The following TSC22D1 variants were observed in gnomAD, a reference collection of about 807,000 sequenced individuals.
The protein encoded by TSC22D1 is TSC22 domain family member 1, also known as TSC22 domain family protein 1.
TSC22D1 carries 9 observed loss-of-function variants against 74.2 expected under a neutral mutation model. That is an observed-to-expected ratio of 0.12 (90% CI 0.07 to 0.21). TSC22D1 has a LOEUF of 0.21. Among genes scored for constraint, TSC22D1 ranks in the 10% least tolerant of loss-of-function variants. The pLI is 1.00. For synonymous variants in TSC22D1, 586 were observed against 492.5 expected (o/e 1.19, Z -2.51); for missense variants, 1,427 against 1,304.7 (o/e 1.09, Z -1.44).
chr13:44,564,812 C>T (rs1008825903), intron 1 of TSC22D1, among the ~76,000 whole-genome samples: 2 of 151,738 alleles, frequency 1.3e-5, no homozygotes, highest in Non-Finnish European at 1.5e-5. Flanking sequence ...ACATGCAGTG[C>T]ATTAAATGAG....
At chr13:44,556,567 C>CT (rs1882654537) in intron 1 of TSC22D1, among the ~76,000 whole-genome samples, 1 of 151,334 alleles carries the variant, frequency 6.6e-6, no homozygotes, top group Non-Finnish European at 1.5e-5. Context: ...AATCTGAATA[C>CT]TTTAAAAAAT....
intron 1 of TSC22D1, among the ~76,000 whole-genome samples, chr13:44,534,158 C>T (rs574211416): frequency 2.0e-5 from 3 of 149,340 alleles, no homozygotes; most frequent in Non-Finnish European, 4.4e-5. Context: ...CTGGGGAGTT[C>T]GAGGCTGCAG....
chr13:44,436,003 G>A lies in TSC22D1; in HGVS notation c.2964+41C>T, dbSNP rs188305282. On this transcript the variant is annotated intron_variant, in intron 2 of 2. Transcript: ENST00000458659. ...CCACAAAACATCTTATTTTTGTGCT[G>A]TGCCCACATTTAGTATAAATGATTT... The A allele has an allele frequency of 1.5e-5, 24 of 1,581,350 alleles. No individual in the cohort carries two copies. In the East Asian group the frequency reaches 5.4e-4, roughly 35 times the overall value.
At chr13:44,462,763 G>T (rs939979831) in intron 1 of TSC22D1, among the ~76,000 whole-genome samples, 1 of 152,018 alleles carries the variant, frequency 6.6e-6, no homozygotes, top group Admixed American at 6.6e-5. Context: ...TAAAAATTCA[G>T]AAAGACCCTC....
intron 1 of TSC22D1, among the ~76,000 whole-genome samples, chr13:44,541,804 G>C (rs1881486429): frequency 6.6e-6 from 1 of 152,068 alleles, no homozygotes; most frequent in Non-Finnish European, 1.5e-5. Flanking sequence ...TTCCACAGCT[G>C]GAGTTGTTAA....
chr13:44,503,940 T>C (rs1162408016), intron 1 of TSC22D1, among the ~76,000 whole-genome samples: 1 of 151,972 alleles, frequency 6.6e-6, no homozygotes, highest in East Asian at 1.9e-4. Context: ...TAAATAAACC[T>C]TAGAGAATAT....
chr13:44,521,683 A>G (rs966841103), intron 1 of TSC22D1, among the ~76,000 whole-genome samples: 8 of 104,624 alleles, frequency 7.6e-5, no homozygotes, highest in African/African-American at 2.1e-4. Flanking sequence ...CAAAGAATGG[A>G]AAAAAAAAAA....
chr13:44,539,733 A>G (rs958954052), intron 1 of TSC22D1: 4 of 1,239,888 alleles, frequency 3.2e-6, no homozygotes, highest in Non-Finnish European at 4.1e-6. Flanking sequence ...TCCAATCTAT[A>G]AATTAACCCA....
rs1451844925 is a variant in TSC22D1, at chr13:44,436,867, CCA to C, written c.2913-774_2913-773del. On this transcript the variant is annotated intron_variant, in intron 1 of 2. Coordinates refer to ENST00000458659, the MANE Select transcript of TSC22D1 (RefSeq NM_183422.4). Reference sequence around the variant, plus strand: ...TCCACTCAGCTCTAGACCAGGACTCCCAGTCTTAGTGCAAAATATATGCAGGA... The same window carrying C: ...TCCACTCAGCTCTAGACCAGGACTCCGTCTTAGTGCAAAATATATGCAGGA... 137 of 1,230,252 alleles carry C rather than the reference CCA, an allele frequency of 1.1e-4. 1 individual carries two copies. The highest frequency in any genetic ancestry group is 1.3e-4 in the Non-Finnish European group (133 of 985,964). The allele number at this position is 1,230,252 out of a possible 1,614,324, so 76.2% of individuals were successfully genotyped here. A position where few individuals can be genotyped will look rare whatever the true frequency, so the allele number is the denominator to read the frequency against.
chr13:44,546,628 C>A (rs990690182), intron 1 of TSC22D1, among the ~76,000 whole-genome samples: 2 of 151,974 alleles, frequency 1.3e-5, no homozygotes, highest in African/African-American at 4.8e-5. Flanking sequence ...TAGACAAGGT[C>A]AAAATTCAAA....
At chr13:44,458,311 T>G (rs894630175) in intron 1 of TSC22D1, among the ~76,000 whole-genome samples, 10 of 152,242 alleles carry the variant, frequency 6.6e-5, no homozygotes, top group Non-Finnish European at 1.5e-5. Flanking sequence ...CTGACTTTAG[T>G]GCAGCTTTTT....
At chr13:44,536,960 CAAAA>C in intron 1 of TSC22D1, 2 of 569,932 alleles carry the variant, frequency 3.5e-6, no homozygotes, top group Non-Finnish European at 4.0e-6. Context: ...AAAAAAAAAA[CAAAA>C]AAAACTAACA....
At chr13:44,518,689 G>A (rs1880166912) in intron 1 of TSC22D1, among the ~76,000 whole-genome samples, 1 of 152,090 alleles carries the variant, frequency 6.6e-6, no homozygotes, top group Non-Finnish European at 1.5e-5. Flanking sequence ...CCAAATTACT[G>A]GTTTTTTATC....
chr13:44,436,691 C>G, intron 1 of TSC22D1: 1 of 1,544,032 alleles, frequency 6.5e-7, no homozygotes, highest in South Asian at 1.3e-5. Context: ...CTTGTATAAG[C>G]TAGATAAAAT....
At chr13:44,505,737 A>G (rs1159296501) in intron 1 of TSC22D1, among the ~76,000 whole-genome samples, 1 of 152,186 alleles carries the variant, frequency 6.6e-6, no homozygotes, top group Non-Finnish European at 1.5e-5. Context: ...ATAAATTTCC[A>G]TTTCATTAAG....
intron 1 of TSC22D1, among the ~76,000 whole-genome samples, chr13:44,506,744 A>C (rs1001664387): frequency 1.3e-5 from 2 of 152,214 alleles, no homozygotes; most frequent in Non-Finnish European, 2.9e-5. Flanking sequence ...AGTATGGAAA[A>C]GATGGAAGTG....
chr13:44,566,537 GAACT>G (rs1189171425), intron 1 of TSC22D1, among the ~76,000 whole-genome samples: 2 of 152,020 alleles, frequency 1.3e-5, no homozygotes, highest in African/African-American at 2.4e-5. Flanking sequence ...ATTCATTAGA[GAACT>G]AACTTGGAGC....
intron 1 of TSC22D1, among the ~76,000 whole-genome samples, chr13:44,440,587 C>CAA (rs67344848): frequency 0.015 from 1,026 of 67,434 alleles, 18 homozygotes; most frequent in African/African-American, 0.038. Flanking sequence ...GGCTCTGTCT[C>CAA]AAAAAAAAAA....
At chr13:44,479,067 G>A (rs1283378628) in intron 1 of TSC22D1, among the ~76,000 whole-genome samples, 1 of 152,128 alleles carries the variant, frequency 6.6e-6, no homozygotes, top group Non-Finnish European at 1.5e-5. Flanking sequence ...GATGGCCCTA[G>A]GAGCAGATCC....
Sources: gnomAD v4.1 joint callset for allele counts (sites outside exome capture counted in the v4.1 genomes callset) on GRCh38, gnomAD v4.1.1 for gene constraint, MANE v1.5 for transcripts, NCBI Gene and HGNC (gene_info 2026-07-23, HGNC 2026-07-21) for gene names.